Variants in DGKG observed in about 807,000 individuals in gnomAD.
DGKG encodes the protein DAG kinase gamma.
A neutral mutation model predicts 105.3 loss-of-function variants in DGKG; 78 were observed. That is an observed-to-expected ratio of 0.74 (90% CI 0.62 to 0.89). The LOEUF is 0.89. Among genes scored for constraint, DGKG ranks in the 40% least tolerant of loss-of-function variants. DGKG has a pLI of 0.00. For missense variants in DGKG, 958 were observed against 1,020.1 expected, an observed-to-expected ratio of 0.94 and a Z score of 0.83; for synonymous variants, 346 against 367.1, an observed-to-expected ratio of 0.94 and a Z score of 0.66.
intron 20 of DGKG, among the ~76,000 whole-genome samples, chr3:186,213,359 A>G (rs1719129402): frequency 6.6e-6 from 1 of 152,236 alleles, no homozygotes; most frequent in African/African-American, 2.4e-5. Context: ...ATGCCATGGC[A>G]AACATTCTCA....
At chr3:186,247,678 C>G (rs973935961) in intron 19 of DGKG, among the ~76,000 whole-genome samples, 5 of 151,926 alleles carry the variant, frequency 3.3e-5, no homozygotes, top group African/African-American at 1.2e-4. Context: ...GCATACAAAC[C>G]CTGCAAACAT....
At position 186,148,961 on chromosome 3, in the gene DGKG, A is replaced by C; in HGVS notation, c.*1129T>G. 1 of 656,212 alleles carries C rather than the reference A, an allele frequency of 1.5e-6. No individual in the cohort carries two copies. Among genetic ancestry groups the C allele is most frequent in the Non-Finnish European group, 1.9e-6 (1 of 534,582 alleles). 40.6% of individuals were successfully genotyped at this position (656,212 alleles called of 1,614,324 possible). A position where few individuals can be genotyped will look rare whatever the true frequency, so the allele number is the denominator to read the frequency against. ...AAAGTCCATCAGTAAATAAATATTT[A>C]TATATATATATATATAAATATATAG... On this transcript the variant is annotated 3_prime_UTR_variant, in exon 25 of 25. Transcript: ENST00000265022.
chr3:186,224,569 G>T (rs1285273074), intron 20 of DGKG, among the ~76,000 whole-genome samples: 1 of 152,206 alleles, frequency 6.6e-6, no homozygotes, highest in Non-Finnish European at 1.5e-5. Context: ...AGGCTCTGGG[G>T]TAAGGGGATT....
chr3:186,310,578 A>G (rs1263066247), intron 2 of DGKG, among the ~76,000 whole-genome samples: 1 of 152,192 alleles, frequency 6.6e-6, no homozygotes, highest in Non-Finnish European at 1.5e-5. Flanking sequence ...CTTCAGTGAC[A>G]GCTGCTTTAT....
In DGKG at chr3:186,150,163, G is replaced by T; in HGVS notation, c.2303C>A (p.Ala768Glu). ...CTIKITHKNQ[A>E]PMMMGPPQKS... ...CTGGGGAGGCCCCATCATCATGGGC[G>T]CTTGGTTCTTGTGAGTAATTTTAAT... is the stretch of plus-strand genomic sequence containing the variant. The change falls in exon 25 of 25, where the codon GCG becomes GAG. Residue 768 changes from alanine (A) to glutamate (E), a missense_variant. Ala to Glu is a moderately radical substitution (Grantham distance 107, BLOSUM62 -1). Around this residue, in one of 2 missense-constraint regions of DGKG, gnomAD observed 315 missense variants for 400.6 expected, o/e 0.79. Coordinates refer to ENST00000265022, the MANE Select transcript of DGKG (RefSeq NM_001346.3). 1 of 1,613,092 alleles carries T rather than the reference G, an allele frequency of 6.2e-7. No homozygotes were observed. The highest frequency in any genetic ancestry group is 8.5e-7 in the Non-Finnish European group (1 of 1,179,544).
chr3:186,223,010 A>AATATATATATATATATATATAT, intron 20 of DGKG, among the ~76,000 whole-genome samples: 1 of 10,272 alleles, frequency 9.7e-5, no homozygotes, highest in Non-Finnish European at 2.3e-4. Flanking sequence ...GTGTATGTAT[A>AATATATATATATATATATATAT]CTATATATAT....
intron 1 of DGKG, among the ~76,000 whole-genome samples, chr3:186,329,425 C>T (rs559560013): frequency 5.8e-4 from 89 of 152,330 alleles, no homozygotes; most frequent in African/African-American, 2.1e-3. Context: ...TATTGAATTG[C>T]ACCCTGGGTC....
At chr3:186,220,244 T>C (rs1418840696) in intron 20 of DGKG, among the ~76,000 whole-genome samples, 2 of 152,176 alleles carry the variant, frequency 1.3e-5, no homozygotes, top group African/African-American at 4.8e-5. Context: ...ATGGCACCCA[T>C]GGTGGGAGGC....
intron 20 of DGKG, among the ~76,000 whole-genome samples, chr3:186,214,126 T>C (rs1050252984): frequency 2.0e-5 from 3 of 152,232 alleles, no homozygotes; most frequent in Non-Finnish European, 2.9e-5. Context: ...CAGCTATTTT[T>C]GCCCAGTAGT....
rs1168545327 is a variant in DGKG, at chr3:186,267,720, T to C, written c.1174A>G (p.Ile392Val). ...LCDGGELRDH[I>V]LLPTSICPIT... ...GGGCATATGGAGGTGGGCAGTAAGA[T>C]GTGGTCTCTGAGTTCCCCACCGTCA... Residue 392 changes from isoleucine (I) to valine (V), a missense_variant, in exon 13 of 25, where the codon ATC becomes GTC. This residue lies in a region of DGKG where 643 missense variants were observed against 619.5 expected (regional missense o/e 1.04). Coordinates refer to ENST00000265022, the MANE Select transcript of DGKG (RefSeq NM_001346.3). The C allele has an allele frequency of 3.1e-6, 5 of 1,614,020 alleles. 1 individual carries two copies. In the South Asian group the frequency reaches 5.5e-5, roughly 18 times the overall value.
intron 5 of DGKG, among the ~76,000 whole-genome samples, chr3:186,291,394 A>G (rs1723303981): frequency 6.6e-6 from 1 of 151,992 alleles, no homozygotes; most frequent in Non-Finnish European, 1.5e-5. Flanking sequence ...AAGACCAAAT[A>G]AACAATTAAG....
intron 20 of DGKG, among the ~76,000 whole-genome samples, chr3:186,219,264 C>T (rs958127274): frequency 6.6e-6 from 1 of 152,026 alleles, no homozygotes; most frequent in Non-Finnish European, 1.5e-5. Flanking sequence ...CTGCAGAGGC[C>T]ATCTGTGTCA....
At chr3:186,227,171 C>A (rs1229071549) in intron 20 of DGKG, among the ~76,000 whole-genome samples, 2 of 152,184 alleles carry the variant, frequency 1.3e-5, no homozygotes, top group Non-Finnish European at 2.9e-5. Context: ...AGACAGGAAT[C>A]ATGACAGCAT....
At chr3:186,179,539 A>C (rs1298843178) in intron 22 of DGKG, among the ~76,000 whole-genome samples, 1 of 152,200 alleles carries the variant, frequency 6.6e-6, no homozygotes, top group Non-Finnish European at 1.5e-5. Flanking sequence ...CCAGGGAACA[A>C]AATCATATCT....
intron 16 of DGKG, 44 bp from the exon 17 acceptor site, chr3:186,257,983 G>T (rs781043523): frequency 7.0e-7 from 1 of 1,423,950 alleles, no homozygotes; most frequent in Non-Finnish European, 9.9e-7. Context: ...TTACTAGGTT[G>T]CAGCTGACAT....
At chr3:186,268,962 T>C (rs572729812) in intron 11 of DGKG, 45 bp from the exon 12 acceptor site, 2 of 1,397,898 alleles carry the variant, frequency 1.4e-6, no homozygotes, top group South Asian at 2.3e-5. Context: ...GGCAGAACCA[T>C]GTCCCCGGGG....
intron 7 of DGKG, among the ~76,000 whole-genome samples, chr3:186,282,329 C>G (rs1722866973): frequency 6.6e-6 from 1 of 152,202 alleles, no homozygotes; most frequent in South Asian, 2.1e-4. Context: ...GAATGGCTGT[C>G]TTAAGGTAGG....
At chr3:186,326,537 T>C (rs961042139) in intron 1 of DGKG, among the ~76,000 whole-genome samples, 3 of 152,124 alleles carry the variant, frequency 2.0e-5, no homozygotes, top group Non-Finnish European at 4.4e-5. Context: ...AAGTCAATTG[T>C]AGCCTTCCCT....
chr3:186,195,547 C>A (rs1718138778), intron 21 of DGKG, among the ~76,000 whole-genome samples: 1 of 152,090 alleles, frequency 6.6e-6, no homozygotes, highest in Admixed American at 6.6e-5. Flanking sequence ...GTCCTTAGAG[C>A]AGTGCTTCTC....
Sources: gnomAD v4.1 joint callset for allele counts (sites outside exome capture counted in the v4.1 genomes callset) on GRCh38, gnomAD v4.1.1 for gene constraint, gnomAD v4.1.1 regional missense constraint, MANE v1.5 for transcripts, NCBI Gene and HGNC (gene_info 2026-07-23, HGNC 2026-07-21) for gene names.